Variants in ESRRB observed in about 807,000 individuals in gnomAD.
The protein encoded by ESRRB is estrogen related receptor beta.
Under a neutral mutation model 46.0 loss-of-function variants are expected in ESRRB, and 16 were observed. That is an observed-to-expected ratio of 0.35 (90% CI 0.24 to 0.53). The LOEUF is 0.53. Among genes scored for constraint, ESRRB ranks in the 20% least tolerant of loss-of-function variants. The pLI, the probability that ESRRB is intolerant of heterozygous loss-of-function variation, is 0.93. For missense variants in ESRRB, 488 were observed against 607.4 expected (o/e 0.80, Z 2.07); for synonymous variants, 246 against 259.6 (o/e 0.95, Z 0.50).
intron 1 of ESRRB, among the ~76,000 whole-genome samples, chr14:76,347,102 C>A (rs573724735): frequency 2.6e-5 from 4 of 152,292 alleles, no homozygotes; most frequent in African/African-American, 9.6e-5. Context: ...CTCTTGGAAA[C>A]AAGCAGTCTC....
At position 76,384,757 on chromosome 14, in the gene ESRRB, G is replaced by C. The variant is rs550508202; in HGVS notation, c.50+8306G>C. Among the ~76,000 whole-genome samples the C allele has an allele frequency of 9.2e-5, 14 of 152,300 alleles. 1 individual carries two copies. In the South Asian group the frequency reaches 2.9e-3, roughly 32 times the overall value. ...ACCAAAGGCACAGAGAGGACAAGGG[G>C]GGGTTATGACTTGGCGCATGTGAAT... is the stretch of plus-strand genomic sequence containing the variant. On this transcript the variant is annotated intron_variant, in intron 1 of 6. Transcript: ENST00000644823.
intron 1 of ESRRB, among the ~76,000 whole-genome samples, chr14:76,364,686 T>C (rs1431582298): frequency 7.6e-6 from 1 of 131,122 alleles, no homozygotes; most frequent in East Asian, 2.0e-4. Context: ...AGCGAGATCC[T>C]GTCTCAAAAA....
intron 5 of ESRRB, among the ~76,000 whole-genome samples, chr14:76,484,485 T>C (rs1377846329): frequency 1.3e-5 from 2 of 152,142 alleles, no homozygotes; most frequent in Non-Finnish European, 2.9e-5. Flanking sequence ...AGGGCCAAAT[T>C]GGGTACAGGT....
chr14:76,482,651 A>C lies in ESRRB; in HGVS notation c.742A>C (p.Met248Leu). The C allele has an allele frequency of 6.2e-7, 1 of 1,614,060 alleles. No homozygotes were observed. The highest frequency in any genetic ancestry group is 8.5e-7 in the Non-Finnish European group (1 of 1,179,998). The change falls in exon 5 of 7, where the codon ATG (methionine) becomes CTG (leucine). Residue 248 changes from methionine to leucine, a missense_variant. Transcript: ENST00000644823. This position sits in a 1 kb window ranked among gnomAD's most constrained non-coding sequence, Gnocchi z 4.3. ...LVAEPDKLYAMPPPGMPEGDI... is the reference protein window; with the variant it reads ...LVAEPDKLYALPPPGMPEGDI... ...GGCTGAGCCGGACAAGCTCTATGCCATGCCTCCCCCTGGTATGCCTGAGGG... is the reference window on the plus strand; with the variant it reads ...GGCTGAGCCGGACAAGCTCTATGCCCTGCCTCCCCCTGGTATGCCTGAGGG...
intron 3 of ESRRB, among the ~76,000 whole-genome samples, chr14:76,466,478 GCTGGGGACAGAT>G (rs1889115123): frequency 1.3e-5 from 2 of 152,076 alleles, no homozygotes; most frequent in South Asian, 4.1e-4. Flanking sequence ...TCCTCACGTG[GCTGGGGACAGAT>G]CCTATGGCCA....
At chr14:76,398,600 G>A (rs1258630508) in intron 1 of ESRRB, among the ~76,000 whole-genome samples, 1 of 152,150 alleles carries the variant, frequency 6.6e-6, no homozygotes, top group South Asian at 2.1e-4. Context: ...TGTGGGGGAA[G>A]GGGTCAGAGG....
At chr14:76,344,802 A>G (rs1884230364) in intron 1 of ESRRB, among the ~76,000 whole-genome samples, 1 of 150,702 alleles carries the variant, frequency 6.6e-6, no homozygotes, top group Non-Finnish European at 1.5e-5. Flanking sequence ...CAGTGAGCTG[A>G]GACGGTGCCA....
intron 1 of ESRRB, among the ~76,000 whole-genome samples, chr14:76,320,526 G>A (rs1883854743): frequency 6.6e-6 from 1 of 152,242 alleles, no homozygotes; most frequent in Non-Finnish European, 1.5e-5. Flanking sequence ...TAAGGACTCT[G>A]TAGGCAGGGC....
At chr14:76,489,986 C>T (rs1215780251) in intron 5 of ESRRB, among the ~76,000 whole-genome samples, 1 of 152,208 alleles carries the variant, frequency 6.6e-6, no homozygotes, top group East Asian at 1.9e-4. Flanking sequence ...GGAGAGGTGC[C>T]CAGCACTGTA....
At chr14:76,429,230 T>C (rs1362492500) in intron 1 of ESRRB, among the ~76,000 whole-genome samples, 2 of 152,186 alleles carry the variant, frequency 1.3e-5, no homozygotes, top group East Asian at 3.9e-4. Flanking sequence ...CAGCCTGGCA[T>C]TCTAGTTAGT....
chr14:76,377,250 G>T (rs1884811264), intron 1 of ESRRB, among the ~76,000 whole-genome samples: 1 of 152,246 alleles, frequency 6.6e-6, no homozygotes, highest in African/African-American at 2.4e-5. Context: ...CCAGCCCCGG[G>T]GCAGCGCGCC....
chr14:76,413,592 A>G (rs1886532834), intron 1 of ESRRB, among the ~76,000 whole-genome samples: 1 of 152,060 alleles, frequency 6.6e-6, no homozygotes, highest in South Asian at 2.1e-4. Context: ...GGTCCCATGA[A>G]TGTGTGTGTG....
At chr14:76,354,052 C>A (rs1884345837) in intron 1 of ESRRB, among the ~76,000 whole-genome samples, 1 of 152,170 alleles carries the variant, frequency 6.6e-6, no homozygotes, top group East Asian at 1.9e-4. Flanking sequence ...CCTATGTCAG[C>A]CCCGCTGGGT....
At chr14:76,461,885 C>G (rs1322756820) in intron 2 of ESRRB, among the ~76,000 whole-genome samples, 3 of 152,214 alleles carry the variant, frequency 2.0e-5, no homozygotes, top group Non-Finnish European at 4.4e-5. Flanking sequence ...TGAATGAACT[C>G]TGCTCATAAA....
chr14:76,460,709 A>ATTTTTTTTTTTTTTTTTTT (rs58597850), intron 2 of ESRRB, among the ~76,000 whole-genome samples: 78 of 141,606 alleles, frequency 5.5e-4, no homozygotes, highest in Non-Finnish European at 7.3e-4. Flanking sequence ...TTCCAGTTAC[A>ATTTTTTTTTTTTTTTTTTT]TTTTTTTTTG....
chr14:76,445,462 G>A (rs1255709997), intron 2 of ESRRB, among the ~76,000 whole-genome samples: 6 of 80,034 alleles, frequency 7.5e-5, no homozygotes, highest in African/African-American at 1.1e-4. Context: ...GCAAAACTCC[G>A]TCTCAAAAAA....
chr14:76,321,570 A>G (rs973969753), intron 1 of ESRRB, among the ~76,000 whole-genome samples: 2 of 152,182 alleles, frequency 1.3e-5, no homozygotes, highest in Non-Finnish European at 2.9e-5. Context: ...ACATTTCCCT[A>G]AGACATTTCT....
chr14:76,365,138 C>G (rs1884505508), intron 1 of ESRRB, among the ~76,000 whole-genome samples: 2 of 152,174 alleles, frequency 1.3e-5, no homozygotes, highest in Non-Finnish European at 2.9e-5. Flanking sequence ...CAAGTGGTCA[C>G]AGAATAACCA....
At chr14:76,484,560 A>G (rs1351231972) in intron 5 of ESRRB, among the ~76,000 whole-genome samples, 1 of 151,906 alleles carries the variant, frequency 6.6e-6, no homozygotes, top group African/African-American at 2.4e-5. Context: ...GCAATGGCTC[A>G]CGAGTGGCGC....
Sources: allele counts gnomAD v4.1 joint callset (sites outside exome capture counted in the v4.1 genomes callset), GRCh38; gene constraint gnomAD v4.1.1; non-coding constraint Gnocchi (gnomAD v3.1); transcripts MANE v1.5; gene names NCBI Gene and HGNC (gene_info 2026-07-23, HGNC 2026-07-21).